SPN: variants seen among roughly 807,000 people sequenced by gnomAD.
SPN encodes the protein sialophorin.
A neutral mutation model predicts 8.4 loss-of-function variants in SPN; 6 were observed. The ratio of observed to expected loss-of-function variants is 0.72; its 90% CI spans 0.39 to 1.42. SPN has a LOEUF of 1.42. SPN is among the 40% of genes most tolerant of loss of function. The pLI is 0.02. For synonymous variants in SPN, 201 were observed against 222.6 expected, an observed-to-expected ratio of 0.90 and a Z score of 0.86; for missense variants, 517 against 530.6, an observed-to-expected ratio of 0.97 and a Z score of 0.25.
At position 29,663,612 on chromosome 16, in the gene SPN, G is replaced by A. The variant is rs1405068394; in HGVS notation, c.-34-83G>A. 13 of 1,425,586 alleles carry A rather than the reference G, an allele frequency of 9.1e-6. No homozygotes were observed. Among genetic ancestry groups the A allele is most frequent in the Non-Finnish European group, 1.2e-5 (13 of 1,068,166 alleles). The allele number at this position is 1,425,586 out of a possible 1,614,324, so 88.3% of individuals were successfully genotyped here. ...AACCGCAGGTTGGGCCTGGCCGTTG[G>A]CAGGGAAGTGGGCAGAGGGGAGGCC... is the stretch of plus-strand genomic sequence containing the variant. On this transcript the variant is annotated intron_variant, in intron 1 of 1. Transcript: ENST00000652691. This position sits in a 1 kb window ranked among gnomAD's most constrained non-coding sequence, Gnocchi z 4.3.
At position 29,664,701 on chromosome 16, in the gene SPN, G is replaced by C; in HGVS notation, c.973G>C (p.Asp325His). 6.7e-7 allele frequency: 1 copy of C among 1,484,830 alleles called. No homozygotes were observed. The highest frequency in any genetic ancestry group is 8.9e-7 in the Non-Finnish European group (1 of 1,119,230). 92.0% of individuals were successfully genotyped at this position (1,484,830 alleles called of 1,614,324 possible). The change falls in exon 2 of 2, where the codon GAC becomes CAC. Residue 325 changes from aspartate to histidine, a missense_variant. Transcript: ENST00000652691. The surrounding 1 kb of genome is among the most constrained non-coding windows in gnomAD (Gnocchi z 6.4). ...VTVTVGGSGGDKGSGFPDGEG... is the reference protein window; with the variant it reads ...VTVTVGGSGGHKGSGFPDGEG... ...AGTGACCGTGGGAGGGTCCGGGGGC[G>C]ACAAGGGCTCTGGGTTCCCCGATGG...
rs1364523074 is a variant in SPN at position 29,663,630 on chromosome 16, G to C, written c.-34-65G>C. The C allele has an allele frequency of 1.1e-5, 16 of 1,481,896 alleles. No individual in the cohort carries two copies. The highest frequency in any genetic ancestry group is 2.6e-4 in the Middle Eastern group (1 of 3,904). The allele number at this position is 1,481,896 out of a possible 1,614,324, so 91.8% of individuals were successfully genotyped here. A position where few individuals can be genotyped will look rare whatever the true frequency, so the allele number is the denominator to read the frequency against. On this transcript the variant is annotated intron_variant, in intron 1 of 1. Transcript: ENST00000652691. This position sits in a 1 kb window ranked among gnomAD's most constrained non-coding sequence, Gnocchi z 4.3. ...GCCGTTGGCAGGGAAGTGGGCAGAG[G>C]GGAGGCCCGGCCAGGTCCTCCGGCA...
rs779504783 is a variant in SPN at position 29,664,620 on chromosome 16, G to T, written c.892G>T (p.Gly298Trp). ...LVLSRGGKRN[G>W]VVDAWAGPAQ... ...GCTGAGCAGAGGCGGCAAGCGTAAC[G>T]GGGTGGTGGACGCCTGGGCTGGGCC... Residue 298 changes from glycine (G) to tryptophan (W), a missense_variant, in exon 2 of 2, where the codon GGG (glycine) becomes TGG (tryptophan). Physicochemically the swap from Gly to Trp is radical, Grantham distance 184. Coordinates refer to ENST00000652691, the MANE Select transcript of SPN (RefSeq NM_003123.6). The surrounding 1 kb of genome is among the most constrained non-coding windows in gnomAD (Gnocchi z 6.4). 1.4e-5 allele frequency: 23 copies of T among 1,594,004 alleles called. No individual in the cohort carries two copies. Among genetic ancestry groups the T allele is most frequent in the Non-Finnish European group, 2.0e-5 (23 of 1,170,656 alleles).
Position 29,664,884 on chromosome 16 carries a change from G to GC in SPN, c.1160dup (p.Ala388SerfsTer3). ...GGCCAGTGAGGATGGGGCTGTGGAC[G>GC]CCCCAGCTCCTGATGAGCCCGAAGG... On this transcript the variant is annotated frameshift_variant, in exon 2 of 2. Transcript: ENST00000652691. LOFTEE classifies it high-confidence loss of function. This position sits in a 1 kb window ranked among gnomAD's most constrained non-coding sequence, Gnocchi z 6.4. The GC allele has an allele frequency of 6.8e-7, 1 of 1,463,814 alleles. No homozygotes were observed. The highest frequency in any genetic ancestry group is 9.0e-7 in the Non-Finnish European group (1 of 1,108,930). 90.7% of individuals were successfully genotyped at this position (1,463,814 alleles called of 1,614,324 possible).
In SPN at chr16:29,663,591, G is replaced by A. The variant is rs1054928603; in HGVS notation, c.-34-104G>A. 6.5e-6 allele frequency: 8 copies of A among 1,225,704 alleles called. No homozygotes were observed. The highest frequency in any genetic ancestry group is 4.8e-5 in the Admixed American group (2 of 41,328). 75.9% of individuals were successfully genotyped at this position (1,225,704 alleles called of 1,614,324 possible). ...CCAGCATGGAAAAAACCGTTAAACC[G>A]CAGGTTGGGCCTGGCCGTTGGCAGG... On this transcript the variant is annotated intron_variant, in intron 1 of 1. Coordinates refer to ENST00000652691, the MANE Select transcript of SPN (RefSeq NM_003123.6). The surrounding 1 kb of genome is among the most constrained non-coding windows in gnomAD (Gnocchi z 4.3).
At position 29,667,197 on chromosome 16, in the gene SPN, G is replaced by A. The variant is rs182760418; in HGVS notation, c.*2266G>A. 11 of 367,644 alleles carry A rather than the reference G, an allele frequency of 3.0e-5. No homozygotes were observed. Among genetic ancestry groups the A allele is most frequent in the African/African-American group, 2.1e-4 (10 of 46,862 alleles). The allele number at this position is 367,644 out of a possible 1,614,324, so 22.8% of individuals were successfully genotyped here. A position where few individuals can be genotyped will look rare whatever the true frequency, so the allele number is the denominator to read the frequency against. ...TTTCTGATTGCTATTTGGACTCACT[G>A]CAGCTGCAGAATGACAGAGGCCATG... is the stretch of plus-strand genomic sequence containing the variant. On this transcript the variant is annotated 3_prime_UTR_variant, in exon 2 of 2. Transcript: ENST00000652691.
Position 29,667,144 on chromosome 16 carries a change from G to C in SPN, c.*2213G>C. On this transcript the variant is annotated 3_prime_UTR_variant, in exon 2 of 2. Coordinates refer to ENST00000652691, the MANE Select transcript of SPN (RefSeq NM_003123.6). ...AACCAGCTTCTACCAGCCAGGCTGG[G>C]CACCCACTGGGCTGCATCTGGTGGC... is the stretch of plus-strand genomic sequence containing the variant. The C allele has an allele frequency of 2.4e-6, 1 of 419,072 alleles. No individual in the cohort carries two copies. Among genetic ancestry groups the C allele is most frequent in the Non-Finnish European group, 5.0e-6 (1 of 198,512 alleles). The allele number at this position is 419,072 out of a possible 1,614,324, so 26.0% of individuals were successfully genotyped here.
chr16:29,666,671 T>C lies in SPN; in HGVS notation c.*1740T>C. ...CACGTTTCCAGGTTTAGTTTGTCTG[T>C]GTCTCCTCTTCCATCCCAGGGGCTG... On this transcript the variant is annotated 3_prime_UTR_variant, in exon 2 of 2. Transcript: ENST00000652691. 3.0e-6 allele frequency: 1 copy of C among 336,896 alleles called. No individual in the cohort carries two copies. Among genetic ancestry groups the C allele is most frequent in the Non-Finnish European group, 6.2e-6 (1 of 161,082 alleles). The allele number at this position is 336,896 out of a possible 1,614,324, so 20.9% of individuals were successfully genotyped here.
Position 29,663,611 on chromosome 16 carries a change from G to A in SPN, c.-34-84G>A. 7.0e-7 allele frequency: 1 copy of A among 1,418,956 alleles called. No individual in the cohort carries two copies. The allele number at this position is 1,418,956 out of a possible 1,614,324, so 87.9% of individuals were successfully genotyped here. On this transcript the variant is annotated intron_variant, in intron 1 of 1. Transcript: ENST00000652691. The surrounding 1 kb of genome is among the most constrained non-coding windows in gnomAD (Gnocchi z 4.3). ...AAACCGCAGGTTGGGCCTGGCCGTT[G>A]GCAGGGAAGTGGGCAGAGGGGAGGC... is the stretch of plus-strand genomic sequence containing the variant.
In SPN at chr16:29,663,471, A is replaced by G. The variant is rs1966760871; in HGVS notation, c.-35+155A>G. Among the ~76,000 whole-genome samples, 1 of 152,104 alleles carries G rather than the reference A, an allele frequency of 6.6e-6. No homozygotes were observed. The highest frequency in any genetic ancestry group is 6.6e-5 in the Admixed American group (1 of 15,252). The stretch of plus-strand genomic sequence containing the variant: ...GCCAGGAGGGGCTGGTCACTGCTGG[A>G]ATCTAAGCTGCTGAGGCTGGAGGGA... On this transcript the variant is annotated intron_variant, in intron 1 of 1. Transcript: ENST00000652691. The surrounding 1 kb of genome is among the most constrained non-coding windows in gnomAD (Gnocchi z 4.3).
In SPN at chr16:29,664,384, G is replaced by T. The variant is rs375589202; in HGVS notation, c.656G>T (p.Ser219Ile). The T allele has an allele frequency of 8.1e-6, 13 of 1,614,176 alleles. No individual in the cohort carries two copies. Among genetic ancestry groups the T allele is most frequent in the Non-Finnish European group, 1.0e-5 (12 of 1,180,038 alleles). Reference protein sequence around the residue: ...TGSLEPSSGASGPQVSSVKLS... With the variant: ...TGSLEPSSGAIGPQVSSVKLS... ...TCTCTGGAGCCCTCCAGCGGGGCCA[G>T]TGGACCCCAGGTCTCTAGCGTAAAA... Residue 219 changes from serine (S) to isoleucine (I), a missense_variant, in exon 2 of 2, where the codon AGT becomes ATT. Physicochemically the swap from Ser to Ile is moderately radical, Grantham distance 142. Transcript: ENST00000652691. The surrounding 1 kb of genome is among the most constrained non-coding windows in gnomAD (Gnocchi z 6.4).
Position 29,664,411 on chromosome 16 carries a change from T to C in SPN, c.683T>C (p.Leu228Pro), listed in dbSNP as rs762234192. Residue 228 changes from leucine to proline, a missense_variant, in exon 2 of 2, where the codon CTA becomes CCA. Leu to Pro is a moderately conservative substitution (Grantham distance 98). Transcript: ENST00000652691. The surrounding 1 kb of genome is among the most constrained non-coding windows in gnomAD (Gnocchi z 6.4). ...ASGPQVSSVK[L>P]STMMSPTTST... is the part of the protein sequence containing the mutation. ...GGACCCCAGGTCTCTAGCGTAAAAC[T>C]ATCTACAATGATGTCTCCAACGACC... 11 of 1,614,128 alleles carry C rather than the reference T, an allele frequency of 6.8e-6. No homozygotes were observed. The highest frequency in any genetic ancestry group is 2.2e-5 in the South Asian group (2 of 91,080).
In SPN at chr16:29,663,954, C is replaced by T. The variant is rs752591502; in HGVS notation, c.226C>T (p.Pro76Ser). The T allele has an allele frequency of 1.9e-6, 3 of 1,614,146 alleles. No individual in the cohort carries two copies. The highest frequency in any genetic ancestry group is 8.5e-7 in the Non-Finnish European group (1 of 1,180,018). Reference protein sequence around the residue: ...PPSTSINEGSPLWTSIGASTG... With the variant: ...PPSTSINEGSSLWTSIGASTG... ...CTCAACTTCCATCAATGAGGGATCC[C>T]CTCTTTGGACTTCCATTGGTGCCAG... The change falls in exon 2 of 2, where the codon CCT (proline) becomes TCT (serine). Residue 76 changes from proline (P) to serine (S), a missense_variant. Physicochemically the swap from Pro to Ser is moderately conservative, Grantham distance 74. Coordinates refer to ENST00000652691, the MANE Select transcript of SPN (RefSeq NM_003123.6). This position sits in a 1 kb window ranked among gnomAD's most constrained non-coding sequence, Gnocchi z 4.3.
In SPN at chr16:29,668,884, A is replaced by G. The variant is rs1328289998; in HGVS notation, c.*3953A>G. 1.8e-5 allele frequency: 3 copies of G among 166,636 alleles called. No individual in the cohort carries two copies. Among genetic ancestry groups the G allele is most frequent in the South Asian group, 2.1e-4 (1 of 4,820 alleles). 10.3% of individuals were successfully genotyped at this position (166,636 alleles called of 1,614,324 possible). ...TGGAGCAGATCCAGCGCAGTGGCTC[A>G]TGCCTGTAATCCCAGCACTTTGGGA... On this transcript the variant is annotated 3_prime_UTR_variant, in exon 2 of 2. Coordinates refer to ENST00000652691, the MANE Select transcript of SPN (RefSeq NM_003123.6).
rs1415297389 is a variant in SPN at position 29,664,723 on chromosome 16, ATGGG to A, written c.996_999del (p.Asp332GlufsTer29). On this transcript the variant is annotated frameshift_variant, in exon 2 of 2. Transcript: ENST00000652691. LOFTEE classifies it high-confidence loss of function. This position sits in a 1 kb window ranked among gnomAD's most constrained non-coding sequence, Gnocchi z 6.4. ...GGCGACAAGGGCTCTGGGTTCCCCG[ATGGG>A]GAGGGGTCTAGCCGTCGGCCCACGC... 7 of 1,480,160 alleles carry A rather than the reference ATGGG, an allele frequency of 4.7e-6. No homozygotes were observed. The highest frequency in any genetic ancestry group is 2.8e-5 in the South Asian group (2 of 71,316). 91.7% of individuals were successfully genotyped at this position (1,480,160 alleles called of 1,614,324 possible). A position where few individuals can be genotyped will look rare whatever the true frequency, so the allele number is the denominator to read the frequency against.
In SPN at chr16:29,669,957, T is replaced by A. The variant is rs539879624; in HGVS notation, c.*5026T>A. 1 of 165,402 alleles carries A rather than the reference T, an allele frequency of 6.0e-6. No homozygotes were observed. Among genetic ancestry groups the A allele is most frequent in the South Asian group, 2.1e-4 (1 of 4,748 alleles). The allele number at this position is 165,402 out of a possible 1,614,324, so 10.2% of individuals were successfully genotyped here. A position where few individuals can be genotyped will look rare whatever the true frequency, so the allele number is the denominator to read the frequency against. ...GCTATGCGGTGGCACTATAGGAGGC[T>A]GAGGCGGGCAGATCACCTGAGGTCA... is the stretch of plus-strand genomic sequence containing the variant. On this transcript the variant is annotated 3_prime_UTR_variant, in exon 2 of 2. Coordinates refer to ENST00000652691, the MANE Select transcript of SPN (RefSeq NM_003123.6).
At position 29,664,756 on chromosome 16, in the gene SPN, C is replaced by A; in HGVS notation, c.1028C>A (p.Thr343Asn). 6.7e-7 allele frequency: 1 copy of A among 1,492,282 alleles called. No homozygotes were observed. Among genetic ancestry groups the A allele is most frequent in the Non-Finnish European group, 8.9e-7 (1 of 1,122,822 alleles). 92.4% of individuals were successfully genotyped at this position (1,492,282 alleles called of 1,614,324 possible). ...GGGTCTAGCCGTCGGCCCACGCTCA[C>A]CACTTTCTTTGGCAGACGGAAGTCT... ...GEGSSRRPTLTTFFGRRKSRQ... is the reference protein window; with the variant it reads ...GEGSSRRPTLNTFFGRRKSRQ... The change falls in exon 2 of 2, where the codon ACC (threonine) becomes AAC (asparagine). Residue 343 changes from threonine (T) to asparagine (N), a missense_variant. Thr to Asn is a moderately conservative substitution (Grantham distance 65, BLOSUM62 0). Transcript: ENST00000652691. This position sits in a 1 kb window ranked among gnomAD's most constrained non-coding sequence, Gnocchi z 6.4.
At position 29,665,038 on chromosome 16, in the gene SPN, T is replaced by C; in HGVS notation, c.*107T>C. 1 of 1,193,922 alleles carries C rather than the reference T, an allele frequency of 8.4e-7. No individual in the cohort carries two copies. Among genetic ancestry groups the C allele is most frequent in the Non-Finnish European group, 1.1e-6 (1 of 937,052 alleles). The allele number at this position is 1,193,922 out of a possible 1,614,324, so 74.0% of individuals were successfully genotyped here. On this transcript the variant is annotated 3_prime_UTR_variant, in exon 2 of 2. Transcript: ENST00000652691. ...GCTCCCATGTTTCCACCCGGCACCCTGATCCTCACCCGAATCTCCTTTTTT... is the reference window on the plus strand; with the variant it reads ...GCTCCCATGTTTCCACCCGGCACCCCGATCCTCACCCGAATCTCCTTTTTT...
Position 29,664,305 on chromosome 16 carries a change from T to G in SPN, c.577T>G (p.Ser193Ala). Residue 193 changes from serine (S) to alanine (A), a missense_variant, in exon 2 of 2, where the codon TCT becomes GCT. By Grantham distance (99) the Ser-to-Ala change is moderately conservative (BLOSUM62 1). Coordinates refer to ENST00000652691, the MANE Select transcript of SPN (RefSeq NM_003123.6). This position sits in a 1 kb window ranked among gnomAD's most constrained non-coding sequence, Gnocchi z 6.4. ...ACCCCCTGTTACCATGGCAACTGACTCTCTGGAGACCTCCACTGGGACCAC... is the reference window on the plus strand; with the variant it reads ...ACCCCCTGTTACCATGGCAACTGACGCTCTGGAGACCTCCACTGGGACCAC... ...SGPPVTMATDSLETSTGTTGP... is the reference protein window; with the variant it reads ...SGPPVTMATDALETSTGTTGP... 6.2e-7 allele frequency: 1 copy of G among 1,613,902 alleles called. No individual in the cohort carries two copies. The highest frequency in any genetic ancestry group is 1.7e-5 in the Admixed American group (1 of 59,990).
Sources: allele counts gnomAD v4.1 joint callset (sites outside exome capture counted in the v4.1 genomes callset), GRCh38; gene constraint gnomAD v4.1.1; non-coding constraint Gnocchi (gnomAD v3.1); transcripts MANE v1.5; gene names NCBI Gene and HGNC (gene_info 2026-07-23, HGNC 2026-07-21).